The following C12orf42 variants were observed in gnomAD, a reference collection of about 807,000 sequenced individuals.
C12orf42 encodes the protein chromosome 12 open reading frame 42.
C12orf42 carries 25 observed loss-of-function variants against 21.6 expected under a neutral mutation model. The ratio of observed to expected loss-of-function variants is 1.16; its 90% CI spans 0.84 to 1.62. C12orf42 has a LOEUF of 1.62. C12orf42 is among the 40% of genes most tolerant of loss of function. The pLI is 0.00. For missense variants in C12orf42, 483 were observed against 459.3 expected (o/e 1.05, Z -0.47); for synonymous variants, 174 against 175.0 (o/e 0.99, Z 0.05).
At chr12:103,563,412 A>G in the C12orf42 span, among the ~76,000 whole-genome samples, 1 of 152,230 alleles carries the variant, frequency 6.6e-6, no homozygotes, top group Non-Finnish European at 1.5e-5. Context: ...TAAGGGGTAG[A>G]ACAGAAATGA....
the C12orf42 span, among the ~76,000 whole-genome samples, chr12:103,212,789 TTAC>T: frequency 1.3e-5 from 2 of 152,226 alleles, no homozygotes; most frequent in South Asian, 4.1e-4. Context: ...ACACTTGTCC[TTAC>T]TACTTATCCA....
At chr12:103,207,310 T>A in the C12orf42 span, among the ~76,000 whole-genome samples, 1 of 152,202 alleles carries the variant, frequency 6.6e-6, no homozygotes, top group Non-Finnish European at 1.5e-5. Flanking sequence ...TGCTGACTGA[T>A]ACAGAGCCCT....
chr12:103,530,305 T>G, the C12orf42 span, among the ~76,000 whole-genome samples: 23 of 152,282 alleles, frequency 1.5e-4, 1 homozygote, highest in East Asian at 4.4e-3. Context: ...AAGAGCGTGA[T>G]GTGGGATCGT....
chr12:103,090,039 A>C, the C12orf42 span, among the ~76,000 whole-genome samples: 1 of 152,214 alleles, frequency 6.6e-6, no homozygotes, highest in East Asian at 1.9e-4. Context: ...CACAGATCTC[A>C]AAGGATAGCA....
upstream of C12orf42, among the ~76,000 whole-genome samples, chr12:103,499,087 T>C (rs886167844): frequency 1.3e-5 from 2 of 151,840 alleles, no homozygotes; most frequent in Admixed American, 6.6e-5. Flanking sequence ...AGTTGATAGA[T>C]GATGGGGAGC....
chr12:103,330,984 G>T (rs2041193270), intron 4 of C12orf42, among the ~76,000 whole-genome samples: 1 of 152,160 alleles, frequency 6.6e-6, no homozygotes, highest in South Asian at 2.1e-4. Flanking sequence ...TGATATTTAA[G>T]ACTCATAACT....
At chr12:103,298,757 C>A (rs1477641803), downstream of C12orf42, among the ~76,000 whole-genome samples, 1 of 152,196 alleles carries the variant, frequency 6.6e-6, no homozygotes, top group Admixed American at 6.5e-5. Flanking sequence ...TCTACAACAT[C>A]CCATGTCTTT....
At chr12:103,176,467 G>A in the C12orf42 span, among the ~76,000 whole-genome samples, 27 of 152,094 alleles carry the variant, frequency 1.8e-4, no homozygotes, top group Admixed American at 3.3e-4. Context: ...AGGGTTTATC[G>A]GAGTTCCTGG....
intron 10 of C12orf42, among the ~76,000 whole-genome samples, chr12:103,251,169 G>A (rs2034280570): frequency 6.6e-6 from 1 of 151,992 alleles, no homozygotes; most frequent in Non-Finnish European, 1.5e-5. Context: ...TGAAAGGCTG[G>A]CACCATCAGA....
the C12orf42 span, among the ~76,000 whole-genome samples, chr12:103,078,048 CT>C: frequency 6.6e-6 from 1 of 152,164 alleles, no homozygotes; most frequent in East Asian, 1.9e-4. Flanking sequence ...AAAAAATCTG[CT>C]TTAGCTCTGT....
At chr12:103,472,181 A>G (rs978247146) in intron 2 of C12orf42, among the ~76,000 whole-genome samples, 5 of 149,940 alleles carry the variant, frequency 3.3e-5, no homozygotes, top group African/African-American at 1.2e-4. Context: ...CAGCCTCACG[A>G]GTAGCTGGGA....
chr12:103,398,259 C>G (rs1380975293), intron 3 of C12orf42, among the ~76,000 whole-genome samples: 2 of 152,116 alleles, frequency 1.3e-5, no homozygotes, highest in Non-Finnish European at 2.9e-5. Flanking sequence ...CTGCATTTCC[C>G]TTGACACTAG....
chr12:103,398,144 T>C (rs2047687797), intron 3 of C12orf42, among the ~76,000 whole-genome samples: 1 of 152,230 alleles, frequency 6.6e-6, no homozygotes, highest in African/African-American at 2.4e-5. Flanking sequence ...GCAGCTTATG[T>C]GAGACTCTCC....
the C12orf42 span, among the ~76,000 whole-genome samples, chr12:103,199,261 A>C: frequency 6.6e-6 from 1 of 152,194 alleles, no homozygotes; most frequent in Non-Finnish European, 1.5e-5. Flanking sequence ...ATCCACATTC[A>C]AAGGAATGAA....
intron 3 of C12orf42, among the ~76,000 whole-genome samples, chr12:103,389,673 T>C (rs2046905860): frequency 6.6e-6 from 1 of 152,176 alleles, no homozygotes; most frequent in African/African-American, 2.4e-5. Context: ...TTCAACAAGC[T>C]ACCCAATCAG....
chr12:103,301,914 A>G, downstream of C12orf42: 1 of 637,408 alleles, frequency 1.6e-6, no homozygotes, highest in South Asian at 2.1e-5. Context: ...CAAAAATACT[A>G]TTAGAGATGC....
chr12:103,111,539 G>A, the C12orf42 span, among the ~76,000 whole-genome samples: 28 of 152,304 alleles, frequency 1.8e-4, no homozygotes, highest in Admixed American at 7.8e-4. Context: ...CAGAAACGTG[G>A]TCTCTTAAGG....
chr12:103,219,643 A>G, the C12orf42 span, among the ~76,000 whole-genome samples: 1 of 152,270 alleles, frequency 6.6e-6, no homozygotes, highest in Non-Finnish European at 1.5e-5. Flanking sequence ...TTATGTGGCC[A>G]ACAAACATAT....
rs566462038 is a variant in C12orf42 at position 103,485,754 on chromosome 12, C to G, written c.-21-7307G>C. Among the ~76,000 whole-genome samples, 19 of 152,270 alleles carry G rather than the reference C, an allele frequency of 1.2e-4. No individual in the cohort carries two copies. In the South Asian group the frequency reaches 3.9e-3, roughly 32 times the overall value. On this transcript the variant is annotated intron_variant, in intron 1 of 5. Transcript: ENST00000548883. The stretch of plus-strand genomic sequence containing the variant: ...TAGCAATTGTGGATGGGAGTTCACT[C>G]ATGATTTGGCTCCCTGTTTTTCTAT...
Sources: allele counts gnomAD v4.1 joint callset (sites outside exome capture counted in the v4.1 genomes callset), GRCh38; gene constraint gnomAD v4.1.1; transcripts MANE v1.5; gene names NCBI Gene and HGNC (gene_info 2026-07-23, HGNC 2026-07-21).